ZDHHC5: variants seen among roughly 807,000 people sequenced by gnomAD.
The protein encoded by ZDHHC5 is zDHHC palmitoyltransferase 5, also known as palmitoyltransferase ZDHHC5.
Under a neutral mutation model 70.0 loss-of-function variants are expected in ZDHHC5, and 22 were observed. That is an observed-to-expected ratio of 0.31 (90% CI 0.22 to 0.45). ZDHHC5 has a LOEUF of 0.45. ZDHHC5 is among the 20% of genes least tolerant of loss of function. ZDHHC5 has a pLI of 1.00. For missense variants in ZDHHC5, 746 were observed against 926.9 expected, an observed-to-expected ratio of 0.80 and a Z score of 2.53; for synonymous variants, 313 against 347.8, an observed-to-expected ratio of 0.90 and a Z score of 1.11.
intron 8 of ZDHHC5, among the ~76,000 whole-genome samples, chr11:57,694,460 C>A (rs966683628): frequency 3.3e-5 from 5 of 151,990 alleles, no homozygotes; most frequent in African/African-American, 1.2e-4. Flanking sequence ...CTCCCAGGTT[C>A]AAGCGATTCT....
rs116180221 is a variant in ZDHHC5, at chr11:57,670,991, A to G, written c.-1070-1030A>G. Among the ~76,000 whole-genome samples, 637 of 152,112 alleles carry G rather than the reference A, an allele frequency of 4.2e-3. 5 individuals carry two copies. The highest frequency in any genetic ancestry group is 0.015 in the African/African-American group (613 of 41,504). On this transcript the variant is annotated intron_variant, in intron 1 of 11. Transcript: ENST00000287169. ...CTAATTTTTGTATTTTTAGTAGAGAAGGGAATAAAACTACTTTCTTTTAAA... is the reference window on the plus strand; with the variant it reads ...CTAATTTTTGTATTTTTAGTAGAGAGGGGAATAAAACTACTTTCTTTTAAA...
At chr11:57,680,445 T>G (rs952449039) in intron 2 of ZDHHC5, among the ~76,000 whole-genome samples, 1 of 152,202 alleles carries the variant, frequency 6.6e-6, no homozygotes, top group Non-Finnish European at 1.5e-5. Context: ...TTTCATATCT[T>G]GTTCTTACTC....
At chr11:57,671,965 G>T in intron 1 of ZDHHC5, 56 bp from the exon 2 acceptor site, 2 of 329,296 alleles carry the variant, frequency 6.1e-6, no homozygotes, top group East Asian at 9.2e-5. Flanking sequence ...TTTAGCCTTG[G>T]TGTCTAAGAA....
chr11:57,670,576 A>G (rs1478012494), intron 1 of ZDHHC5, among the ~76,000 whole-genome samples: 1 of 152,206 alleles, frequency 6.6e-6, no homozygotes, highest in Non-Finnish European at 1.5e-5. Context: ...CCTGTAGGAA[A>G]CTGAGAGTTA....
intron 4 of ZDHHC5, 105 bp downstream of exon 4, chr11:57,688,770 T>C (rs1946244165): frequency 1.5e-6 from 2 of 1,300,262 alleles, no homozygotes; most frequent in Non-Finnish European, 2.0e-6. Flanking sequence ...CCTGTCTAAC[T>C]ACGTTGGCCA....
At chr11:57,669,725 C>T (rs1945978632) in intron 1 of ZDHHC5, among the ~76,000 whole-genome samples, 1 of 152,220 alleles carries the variant, frequency 6.6e-6, no homozygotes, top group Admixed American at 6.5e-5. Flanking sequence ...TCCCAAAGTG[C>T]TGGGATTACA....
At position 57,682,155 on chromosome 11, in the gene ZDHHC5, G is replaced by A. The variant is rs1202300533; in HGVS notation, c.105-267G>A. 2.0e-5 allele frequency among the ~76,000 whole-genome samples: 3 copies of A among 152,200 alleles called. No individual in the cohort carries two copies. The East Asian group carries it at 5.8e-4, about 29-fold the overall frequency. On this transcript the variant is annotated intron_variant, in intron 2 of 11. Transcript: ENST00000287169. ...AACATGTGGCAAGATCCACAGGGTA[G>A]GAATGAATCTGAAGCACAAAGACCT...
rs761343422 is a variant in ZDHHC5 at position 57,698,608 on chromosome 11, G to A, written c.1172G>A (p.Ser391Asn). The change falls in exon 11 of 12, where the codon AGC becomes AAC. Residue 391 changes from serine to asparagine, a missense_variant. By Grantham distance (46) the Ser-to-Asn change is conservative (BLOSUM62 1). Around this residue, in one of 6 missense-constraint regions of ZDHHC5, gnomAD observed 179 missense variants for 178.4 expected, o/e 1.00. Transcript: ENST00000287169. The stretch of plus-strand genomic sequence containing the variant: ...GAGCCAACCTCAATTGCAGAGAGCA[G>A]CCGTCACCCCAGCTACCGCTCAGAG... ...LKEPTSIAESSRHPSYRSEPS... is the reference protein window; with the variant it reads ...LKEPTSIAESNRHPSYRSEPS... The A allele has an allele frequency of 4.8e-5, 77 of 1,613,622 alleles. 1 individual carries two copies. The East Asian group carries it at 1.7e-3, about 35-fold the overall frequency.
At chr11:57,680,565 G>A (rs1372437572) in intron 2 of ZDHHC5, among the ~76,000 whole-genome samples, 1 of 152,214 alleles carries the variant, frequency 6.6e-6, no homozygotes, top group Non-Finnish European at 1.5e-5. Flanking sequence ...GGGCACCTCA[G>A]TGTTCTAAGG....
intron 1 of ZDHHC5, among the ~76,000 whole-genome samples, chr11:57,669,980 C>T (rs1298283903): frequency 6.6e-6 from 1 of 152,098 alleles, no homozygotes; most frequent in Non-Finnish European, 1.5e-5. Context: ...TTTTGTGTTC[C>T]CAGTATTATA....
chr11:57,678,890 A>G (rs2135383718), intron 2 of ZDHHC5, among the ~76,000 whole-genome samples: 1 of 152,298 alleles, frequency 6.6e-6, no homozygotes, highest in East Asian at 1.9e-4. Flanking sequence ...TTGAATGAAG[A>G]TCTTTCTCCT....
At chr11:57,688,771 A>G in intron 4 of ZDHHC5, 106 bp downstream of exon 4, 3 of 1,289,816 alleles carry the variant, frequency 2.3e-6, no homozygotes, top group Middle Eastern at 2.0e-4. Flanking sequence ...CTGTCTAACT[A>G]CGTTGGCCAC....
rs141128639 is a variant in ZDHHC5 at position 57,699,109 on chromosome 11, C to T, written c.1673C>T (p.Pro558Leu). ...TTGCTGCGCCAGTCACCCCCACTCC[C>T]GGGCCGTGAGGAAGAACCAGGCTTG... ...EKLLRQSPPL[P>L]GREEEPGLGD... The change falls in exon 11 of 12, where the codon CCG becomes CTG. Residue 558 changes from proline to leucine, a missense_variant. By Grantham distance (98) the Pro-to-Leu change is moderately conservative. This residue lies in a region of ZDHHC5 where 340 missense variants were observed against 350.1 expected (regional missense o/e 0.97). Transcript: ENST00000287169. The T allele has an allele frequency of 1.5e-4, 239 of 1,613,812 alleles. 2 individuals are homozygous for T. The highest frequency in any genetic ancestry group is 1.1e-3 in the Admixed American group (66 of 60,000).
chr11:57,697,828 C>CAAAAAAAAAAAAAA (rs1010913426), intron 10 of ZDHHC5, among the ~76,000 whole-genome samples: 1 of 28,760 alleles, frequency 3.5e-5, no homozygotes. Flanking sequence ...GACTACACCT[C>CAAAAAAAAAAAAAA]AAAAAAAAAA....
intron 2 of ZDHHC5, among the ~76,000 whole-genome samples, chr11:57,676,624 C>T (rs1194022248): frequency 2.6e-5 from 4 of 151,858 alleles, no homozygotes; most frequent in Non-Finnish European, 5.9e-5. Flanking sequence ...GCAACATGAC[C>T]CTTTTTCAAA....
chr11:57,673,119 A>G lies in ZDHHC5; in HGVS notation c.29A>G (p.Lys10Arg), dbSNP rs773791423. The change falls in exon 2 of 12, where the codon AAA becomes AGA. Residue 10 changes from lysine (K) to arginine (R), a missense_variant. Lys to Arg is a conservative substitution (Grantham distance 26, BLOSUM62 2). Transcript: ENST00000287169. ...CCCGCAGAGTCTGGAAAGAGATTCA[A>G]ACCCAGCAAGTATGTCCCGGTCTCT... MPAESGKRF[K>R]PSKYVPVSAA... 19 of 1,613,938 alleles carry G rather than the reference A, an allele frequency of 1.2e-5. No homozygotes were observed. The highest frequency in any genetic ancestry group is 9.9e-5 in the South Asian group (9 of 91,076).
intron 2 of ZDHHC5, among the ~76,000 whole-genome samples, chr11:57,676,541 A>C (rs920319734): frequency 8.5e-5 from 13 of 152,152 alleles, no homozygotes; most frequent in African/African-American, 2.9e-4. Context: ...ATTCTGGTGA[A>C]GTCTGTTAAC....
intron 8 of ZDHHC5, among the ~76,000 whole-genome samples, chr11:57,695,509 T>A (rs1302389368): frequency 6.6e-6 from 1 of 152,170 alleles, no homozygotes; most frequent in South Asian, 2.1e-4. Flanking sequence ...AAATATATGA[T>A]AGGCAGTGGC....
At chr11:57,697,741 A>G (rs1287906921) in intron 10 of ZDHHC5, among the ~76,000 whole-genome samples, 2 of 149,978 alleles carry the variant, frequency 1.3e-5, no homozygotes, top group South Asian at 2.1e-4. Flanking sequence ...CTGGGAGGAG[A>G]ATTGCTTGAA....
Sources: allele counts gnomAD v4.1 joint callset (sites outside exome capture counted in the v4.1 genomes callset), GRCh38; gene constraint gnomAD v4.1.1; regional missense constraint gnomAD v4.1.1; transcripts MANE v1.5; gene names NCBI Gene and HGNC (gene_info 2026-07-23, HGNC 2026-07-21).